CFAP53: variants seen among roughly 807,000 people sequenced by gnomAD.
CFAP53 encodes the protein cilia- and flagella-associated protein 53.
Under a neutral mutation model 59.7 loss-of-function variants are expected in CFAP53, and 62 were observed. The observed-to-expected ratio is 1.04, with a 90% CI of 0.85 to 1.28. CFAP53 has a LOEUF of 1.28. Ranked by LOEUF, CFAP53 falls within the 50% of genes most tolerant of loss-of-function variation. CFAP53 has a pLI of 0.00. For missense variants in CFAP53, 629 were observed against 615.6 expected (o/e 1.02, Z -0.23); for synonymous variants, 218 against 205.7 (o/e 1.06, Z -0.51).
intron 6 of CFAP53, among the ~76,000 whole-genome samples, chr18:50,242,081 G>A (rs4939960): frequency 0.64 from 97,776 of 152,038 alleles, 32,244 homozygotes; most frequent in Admixed American, 0.73. Context: ...TCTCCTACTC[G>A]CGTTCTGCAA....
At position 50,262,113 on chromosome 18, in the gene CFAP53, C is replaced by T. The variant is rs761457495; in HGVS notation, c.176G>A (p.Arg59Gln). ...AILASIKSSE[R>Q]DRLKAEWDQH... is the part of the protein sequence containing the mutation. ...GTCCCACTCAGCTTTCAAGCGATCCCGCTCACTTGACTTAATGGAAGCCAA... is the reference window on the plus strand; with the variant it reads ...GTCCCACTCAGCTTTCAAGCGATCCTGCTCACTTGACTTAATGGAAGCCAA... The change falls in exon 2 of 8, where the codon CGG becomes CAG. Residue 59 changes from arginine to glutamine, a missense_variant. Arg to Gln is a conservative substitution (Grantham distance 43). Transcript: ENST00000398545. 2.9e-5 allele frequency: 47 copies of T among 1,614,068 alleles called. No homozygotes were observed. The highest frequency in any genetic ancestry group is 4.4e-5 in the South Asian group (4 of 91,084).
At chr18:50,228,265 T>C (rs1278840205) in intron 7 of CFAP53, among the ~76,000 whole-genome samples, 2 of 151,778 alleles carry the variant, frequency 1.3e-5, no homozygotes, top group Non-Finnish European at 2.9e-5. Context: ...GGCCAGCTTT[T>C]CCCCTTTCAT....
intron 5 of CFAP53, 88 bp downstream of exon 5, chr18:50,250,670 C>CTA (rs1398668051): frequency 1.0e-6 from 1 of 995,196 alleles, no homozygotes; most frequent in Non-Finnish European, 1.6e-6. Context: ...AGTAGCACTG[C>CTA]TATATATTTG....
chr18:50,242,936 C>T lies in CFAP53; in HGVS notation c.1177G>A (p.Val393Ile). 2 of 1,613,836 alleles carry T rather than the reference C, an allele frequency of 1.2e-6. No individual in the cohort carries two copies. Among genetic ancestry groups the T allele is most frequent in the Non-Finnish European group, 1.7e-6 (2 of 1,179,998 alleles). Residue 393 changes from valine (V) to isoleucine (I), a missense_variant, in exon 6 of 8, where the codon GTC becomes ATC. Transcript: ENST00000398545. ...KEARRQLVDEVMCTRKLQVQE... is the reference protein window; with the variant it reads ...KEARRQLVDEIMCTRKLQVQE... ...ACTTGAAGTTTTCTTGTACACATGA[C>T]CTCATCCACAAGCTGTCTCCTTGCC...
chr18:50,263,781 C>T (rs1270910970), intron 1 of CFAP53, among the ~76,000 whole-genome samples: 1 of 152,112 alleles, frequency 6.6e-6, no homozygotes, highest in African/African-American at 2.4e-5. Flanking sequence ...GTTGTCAGGA[C>T]AGGAAACAGG....
chr18:50,244,061 A>G (rs1392105355), intron 5 of CFAP53, among the ~76,000 whole-genome samples: 1 of 152,164 alleles, frequency 6.6e-6, no homozygotes, highest in Non-Finnish European at 1.5e-5. Flanking sequence ...ATGTGCAGCT[A>G]AAGTTGAGAC....
chr18:50,227,689 A>T, intron 7 of CFAP53, 80 bp from the exon 8 acceptor site: 1 of 1,121,616 alleles, frequency 8.9e-7, no homozygotes, highest in Non-Finnish European at 1.3e-6. Flanking sequence ...ATTAAAATAT[A>T]ATTTGTAAAG....
At chr18:50,251,446 T>C in intron 4 of CFAP53, 35 bp downstream of exon 4, 2 of 1,579,056 alleles carry the variant, frequency 1.3e-6, no homozygotes, top group South Asian at 2.3e-5. Context: ...ACCCATGGCG[T>C]TGATCACCCT....
intron 6 of CFAP53, among the ~76,000 whole-genome samples, chr18:50,242,287 C>G (rs1297710562): frequency 6.6e-6 from 1 of 152,130 alleles, no homozygotes; most frequent in Non-Finnish European, 1.5e-5. Context: ...GACATACATC[C>G]TCAGCTTATG....
At chr18:50,255,821 T>G (rs1246726674) in intron 3 of CFAP53, among the ~76,000 whole-genome samples, 1 of 151,618 alleles carries the variant, frequency 6.6e-6, no homozygotes, top group Non-Finnish European at 1.5e-5. Flanking sequence ...CTGAAATGAC[T>G]GTCACCAGGA....
intron 7 of CFAP53, among the ~76,000 whole-genome samples, chr18:50,234,157 CA>C (rs978696780): frequency 6.6e-6 from 1 of 152,154 alleles, no homozygotes; most frequent in Admixed American, 6.5e-5. Flanking sequence ...TATATGACAA[CA>C]ATGACAAGTT....
chr18:50,250,219 CAAAAAA>C (rs58912526), intron 5 of CFAP53, among the ~76,000 whole-genome samples: 3 of 117,592 alleles, frequency 2.6e-5, no homozygotes, highest in South Asian at 2.8e-4. Flanking sequence ...ACCCCTGTCT[CAAAAAA>C]AAAAAAAAAA....
At chr18:50,265,625 C>T (rs1443623) in intron 1 of CFAP53, among the ~76,000 whole-genome samples, 46,531 of 152,064 alleles carry the variant, frequency 0.31, 7,724 homozygotes, top group East Asian at 0.59. Context: ...ATAACTCTGC[C>T]TACATGTTAG....
chr18:50,251,346 G>A, intron 4 of CFAP53, 135 bp downstream of exon 4: 6 of 756,734 alleles, frequency 7.9e-6, no homozygotes, highest in Non-Finnish European at 1.3e-5. Flanking sequence ...TTATTAAACA[G>A]CACTAAGAGT....
chr18:50,252,328 T>C (rs2033809196), intron 3 of CFAP53, among the ~76,000 whole-genome samples: 1 of 152,218 alleles, frequency 6.6e-6, no homozygotes, highest in Non-Finnish European at 1.5e-5. Context: ...ATGGTCTTGA[T>C]CTCCTGATCT....
In CFAP53 at chr18:50,227,560, C is replaced by A; in HGVS notation, c.1366G>T (p.Ala456Ser). Residue 456 changes from alanine to serine, a missense_variant, in exon 8 of 8, where the codon GCC (alanine) becomes TCC (serine). Physicochemically the swap from Ala to Ser is moderately conservative, Grantham distance 99. Coordinates refer to ENST00000398545, the MANE Select transcript of CFAP53 (RefSeq NM_145020.5). ...GCTTCTTGGGACTGCTGCTGGTAGGCGATTTGCATCTGAAGTTGCTTCCTG... is the reference window on the plus strand; with the variant it reads ...GCTTCTTGGGACTGCTGCTGGTAGGAGATTTGCATCTGAAGTTGCTTCCTG... Reference protein sequence around the residue: ...EYRKQLQMQIAYQQQSQEAEK... With the variant: ...EYRKQLQMQISYQQQSQEAEK... 1.9e-6 allele frequency: 3 copies of A among 1,614,124 alleles called. No individual in the cohort carries two copies. Among genetic ancestry groups the A allele is most frequent in the South Asian group, 1.1e-5 (1 of 91,078 alleles).
In CFAP53 at chr18:50,251,627, C is replaced by G; in HGVS notation, c.631G>C (p.Ala211Pro). The G allele has an allele frequency of 6.2e-7, 1 of 1,614,230 alleles. No homozygotes were observed. Among genetic ancestry groups the G allele is most frequent in the South Asian group, 1.1e-5 (1 of 91,086 alleles). The change falls in exon 4 of 8, where the codon GCC (alanine) becomes CCC (proline). Residue 211 changes from alanine to proline, a missense_variant. Ala to Pro is a conservative substitution (Grantham distance 27, BLOSUM62 -1). Transcript: ENST00000398545. ...TCTTGGGCTTCTCGCTTTTCCTTGG[C>G]TAATCGGTCTTCCTCCCAGAGTTTG... ...FSKLWEEDRL[A>P]KEKREAQEAR...
chr18:50,257,583 A>G (rs766430178), intron 3 of CFAP53, among the ~76,000 whole-genome samples: 6 of 152,254 alleles, frequency 3.9e-5, no homozygotes, highest in Non-Finnish European at 8.8e-5. Context: ...AATGAAAACC[A>G]TAAAACACTG....
intron 6 of CFAP53, among the ~76,000 whole-genome samples, chr18:50,239,457 T>C (rs995980068): frequency 6.6e-6 from 1 of 152,146 alleles, no homozygotes; most frequent in Non-Finnish European, 1.5e-5. Flanking sequence ...AAATAATAAA[T>C]ACAACTGGCT....
Sources: allele counts gnomAD v4.1 joint callset (sites outside exome capture counted in the v4.1 genomes callset), GRCh38; gene constraint gnomAD v4.1.1; transcripts MANE v1.5; gene names NCBI Gene and HGNC (gene_info 2026-07-23, HGNC 2026-07-21).